The following SLC2A9 variants were observed in gnomAD, a reference collection of about 807,000 sequenced individuals.
SLC2A9 encodes solute carrier family 2 member 9, also known as solute carrier family 2, facilitated glucose transporter member 9.
In SLC2A9, 39 loss-of-function variants were observed where a neutral mutation model predicts 50.6. The ratio of observed to expected loss-of-function variants is 0.77; its 90% CI spans 0.60 to 1.01. The LOEUF is 1.01. Among genes scored for constraint, SLC2A9 ranks in the 50% least tolerant of loss-of-function variants. The pLI, the probability that SLC2A9 is intolerant of heterozygous loss-of-function variation, is 0.00. For missense variants in SLC2A9, 686 were observed against 677.6 expected, an observed-to-expected ratio of 1.01 and a Z score of -0.14; for synonymous variants, 324 against 276.9, an observed-to-expected ratio of 1.17 and a Z score of -1.69.
downstream of SLC2A9, chr4:9,779,738 A>ATCTCTCTCTCTCTCTCTCTCTCTCTC (rs55984839): frequency 1.4e-5 from 2 of 147,030 alleles, no homozygotes; most frequent in African/African-American, 5.0e-5. Flanking sequence ...TTAGAATAGC[A>ATCTCTCTCTCTCTCTCTCTCTCTCTC]TCTCTCTCTC....
chr4:9,896,501 C>T (rs902666142), intron 8 of SLC2A9, among the ~76,000 whole-genome samples: 3 of 152,168 alleles, frequency 2.0e-5, no homozygotes, highest in East Asian at 1.9e-4. Context: ...TCTGAATTCA[C>T]GTCCCCTCTC....
intron 2 of SLC2A9, among the ~76,000 whole-genome samples, chr4:10,007,359 G>A (rs1051334634): frequency 5.3e-5 from 8 of 152,222 alleles, no homozygotes; most frequent in African/African-American, 1.7e-4. Context: ...CCAGACACCT[G>A]AGACTATTTT....
rs546972255 is a variant in SLC2A9 at position 9,861,144 on chromosome 4, C to T, written c.1292-26136G>A. The stretch of plus-strand genomic sequence containing the variant: ...TTAAAAAAGAGGTTTAATTGGCTCA[C>T]GGTTCCAACAGGTTGTACAGGAAGC... On this transcript the variant is annotated intron_variant, in intron 10 of 11. Transcript: ENST00000264784. Among the ~76,000 whole-genome samples the T allele has an allele frequency of 6.2e-4, 94 of 152,250 alleles. No homozygotes were observed. In the South Asian group the frequency reaches 0.014, roughly 23 times the overall value.
chr4:9,832,110 G>A (rs10009657), intron 11 of SLC2A9, among the ~76,000 whole-genome samples: 23,081 of 152,154 alleles, frequency 0.15, 2,288 homozygotes, highest in African/African-American at 0.28. Flanking sequence ...CCCGAGGCCC[G>A]AGTAGATGAA....
At chr4:10,031,195 A>G (rs536694566) in intron 1 of SLC2A9, among the ~76,000 whole-genome samples, 2 of 152,316 alleles carry the variant, frequency 1.3e-5, no homozygotes, top group East Asian at 3.9e-4. Flanking sequence ...CACCCATGCC[A>G]TTTCCTCCCT....
chr4:10,020,039 AGT>A (rs112964589), intron 1 of SLC2A9, among the ~76,000 whole-genome samples: 4,837 of 147,990 alleles, frequency 0.033, 99 homozygotes, highest in South Asian at 0.053. Context: ...CATATTTGTG[AGT>A]GTGTGTGTGT....
At chr4:9,777,401 G>A (rs928031105), downstream of SLC2A9, among the ~76,000 whole-genome samples, 1 of 150,898 alleles carries the variant, frequency 6.6e-6, no homozygotes, top group Non-Finnish European at 1.5e-5. Flanking sequence ...ATCATCTTCT[G>A]CTAGAAGTTT....
chr4:9,771,389 G>A lies in SLC2A9; in HGVS notation n.182-20C>T, dbSNP rs182846929. On this transcript the variant is annotated intron_variant and non_coding_transcript_variant, in intron 1 of 1. Transcript: ENST00000508585. ...AGGTCACTGCAGAAGGAGAGAGGGT[G>A]TAGAGTCATGCCAGTTCTTAGGTGC... is the stretch of plus-strand genomic sequence containing the variant. The A allele has an allele frequency of 4.9e-3, 1,951 of 397,854 alleles. 8 individuals carry two copies. The highest frequency in any genetic ancestry group is 0.021 in the South Asian group (163 of 7,818). The allele number at this position is 397,854 out of a possible 1,614,324, so 24.6% of individuals were successfully genotyped here. A position where few individuals can be genotyped will look rare whatever the true frequency, so the allele number is the denominator to read the frequency against.
At position 9,879,472 on chromosome 4, in the gene SLC2A9, G is replaced by C. The variant is rs890751595; in HGVS notation, c.1291+8095C>G. ...TGCAGTGCAGGGAGAATGCGGGATA[G>C]AGAGGGAGGGCAGGCAGGGCAGGCA... On this transcript the variant is annotated intron_variant, in intron 10 of 11. Transcript: ENST00000264784. The C allele has an allele frequency of 8.1e-6, 8 of 985,214 alleles. No homozygotes were observed. The Admixed American group carries it at 4.9e-4, about 61-fold the overall frequency. The allele number at this position is 985,214 out of a possible 1,614,324, so 61.0% of individuals were successfully genotyped here.
chr4:10,013,487 G>A (rs1281478859), intron 2 of SLC2A9, among the ~76,000 whole-genome samples: 1 of 152,194 alleles, frequency 6.6e-6, no homozygotes, highest in Non-Finnish European at 1.5e-5. Context: ...CCTGAAACTT[G>A]GATGTATTGG....
At chr4:9,834,778 C>T in intron 11 of SLC2A9, 103 bp downstream of exon 11, 1 of 1,544,520 alleles carries the variant, frequency 6.5e-7, no homozygotes, top group Non-Finnish European at 8.9e-7. Context: ...GCATGAGTTT[C>T]CAGTTGAGAG....
intron 5 of SLC2A9, 68 bp downstream of exon 5, chr4:9,980,522 GAA>G: frequency 6.2e-7 from 1 of 1,607,814 alleles, no homozygotes; most frequent in Non-Finnish European, 8.5e-7. Flanking sequence ...AGCTTTTGGA[GAA>G]AAGGCTCCTT....
At chr4:9,930,866 T>G (rs1344308051) in intron 6 of SLC2A9, among the ~76,000 whole-genome samples, 1 of 152,156 alleles carries the variant, frequency 6.6e-6, no homozygotes, top group Non-Finnish European at 1.5e-5. Context: ...GGTGACCACC[T>G]GTCAATCATA....
intron 3 of SLC2A9, chr4:9,782,462 C>A: frequency 1.2e-6 from 2 of 1,613,988 alleles, no homozygotes; most frequent in South Asian, 2.2e-5. Context: ...CATCTCCAGG[C>A]CCTTCCGCTA....
chr4:10,027,834 T>G (rs1763805072), intron 1 of SLC2A9, among the ~76,000 whole-genome samples: 1 of 152,206 alleles, frequency 6.6e-6, no homozygotes, highest in Admixed American at 6.5e-5. Flanking sequence ...TACATCTTTA[T>G]CTTTACACTA....
downstream of SLC2A9, among the ~76,000 whole-genome samples, chr4:9,776,997 C>T (rs529408020): frequency 2.2e-4 from 33 of 152,274 alleles, no homozygotes; most frequent in South Asian, 6.8e-3. Context: ...TACTTTCCTC[C>T]AAGATGACAA....
intron 8 of SLC2A9, 128 bp downstream of exon 8, chr4:9,908,107 G>C: frequency 1.3e-6 from 1 of 742,598 alleles, no homozygotes; most frequent in Non-Finnish European, 2.5e-6. Flanking sequence ...TGAATGATAG[G>C]AAACCACATT....
chr4:9,848,966 T>C (rs1396418728), intron 10 of SLC2A9, among the ~76,000 whole-genome samples: 7 of 152,322 alleles, frequency 4.6e-5, no homozygotes, highest in African/African-American at 1.7e-4. Context: ...CCTCCCGAAG[T>C]GCTGGGATTA....
intron 10 of SLC2A9, among the ~76,000 whole-genome samples, chr4:9,857,019 C>T (rs184245647): frequency 1.3e-5 from 2 of 152,088 alleles, no homozygotes; most frequent in Non-Finnish European, 2.9e-5. Context: ...ATGCTTATTA[C>T]CTGGGTGATG....
Sources: allele counts gnomAD v4.1 joint callset (sites outside exome capture counted in the v4.1 genomes callset), GRCh38; gene constraint gnomAD v4.1.1; transcripts MANE v1.5; gene names NCBI Gene and HGNC (gene_info 2026-07-23, HGNC 2026-07-21).